The following CTNNA3 variants were observed in gnomAD, a reference collection of about 807,000 sequenced individuals.
CTNNA3 encodes catenin alpha 3.
CTNNA3 carries 76 observed loss-of-function variants against 95.7 expected under a neutral mutation model. That is an observed-to-expected ratio of 0.79 (90% CI 0.66 to 0.96). The LOEUF is 0.96. Ranked by LOEUF, CTNNA3 falls within the 40% of genes least tolerant of loss-of-function variation. The pLI, the probability that CTNNA3 is intolerant of heterozygous loss-of-function variation, is 0.00. For synonymous variants in CTNNA3, 431 were observed against 374.4 expected, an observed-to-expected ratio of 1.15 and a Z score of -1.74; for missense variants, 1,191 against 1,089.8, an observed-to-expected ratio of 1.09 and a Z score of -1.31.
intron 1 of CTNNA3, among the ~76,000 whole-genome samples, chr10:67,703,180 C>T (rs536764734): frequency 1.3e-5 from 2 of 152,244 alleles, no homozygotes; most frequent in South Asian, 4.1e-4. Context: ...GATTCACAGC[C>T]GAATTCTACC....
intron 9 of CTNNA3, among the ~76,000 whole-genome samples, chr10:66,723,529 G>C (rs550345014): frequency 6.6e-6 from 1 of 152,308 alleles, no homozygotes; most frequent in South Asian, 2.1e-4. Context: ...TCACTGCACA[G>C]CACATTCTAT....
At chr10:66,807,044 CA>C (rs1841680603) in intron 7 of CTNNA3, among the ~76,000 whole-genome samples, 1 of 151,770 alleles carries the variant, frequency 6.6e-6, no homozygotes, top group Non-Finnish European at 1.5e-5. Context: ...GCAGAAAGGG[CA>C]AAAAGATAAT....
chr10:66,129,749 C>A (rs377311709), intron 13 of CTNNA3, among the ~76,000 whole-genome samples: 1 of 151,988 alleles, frequency 6.6e-6, no homozygotes, highest in Non-Finnish European at 1.5e-5. Context: ...TGCAGAGTGG[C>A]CCCCAAGACA....
intron 5 of CTNNA3, among the ~76,000 whole-genome samples, chr10:67,514,327 GT>G (rs1330339025): frequency 6.6e-6 from 1 of 152,006 alleles, no homozygotes; most frequent in Non-Finnish European, 1.5e-5. Flanking sequence ...AAATAAAACA[GT>G]TAGGTTAGAT....
In CTNNA3 at chr10:66,115,509, AGATAGATAGATAGAT is replaced by A. The variant is rs1177070521; in HGVS notation, c.1885-12275_1885-12261del. 2.1e-3 allele frequency among the ~76,000 whole-genome samples: 308 copies of A among 146,244 alleles called. 1 individual carries two copies. The highest frequency in any genetic ancestry group is 7.2e-3 in the African/African-American group (273 of 37,984). On this transcript the variant is annotated intron_variant, in intron 13 of 17. Coordinates refer to ENST00000433211, the MANE Select transcript of CTNNA3 (RefSeq NM_013266.4). ...GGTTTGACTTCCCAATGGGGAATATAGATAGATAGATAGATGATAGATAGATAGATAGATAGATAG... is the reference window on the plus strand; with the variant it reads ...GGTTTGACTTCCCAATGGGGAATATAGATAGATAGATAGATAGATAGATAG...
At chr10:66,762,590 A>T (rs1839644481) in intron 9 of CTNNA3, among the ~76,000 whole-genome samples, 1 of 151,536 alleles carries the variant, frequency 6.6e-6, no homozygotes, top group Admixed American at 6.6e-5. Context: ...ATAGCGGGAC[A>T]CCTCAGATGT....
At chr10:66,937,824 T>C (rs1677647444) in intron 7 of CTNNA3, among the ~76,000 whole-genome samples, 1 of 152,174 alleles carries the variant, frequency 6.6e-6, no homozygotes, top group African/African-American at 2.4e-5. Flanking sequence ...TTTCTGAGCT[T>C]TTCCAGAATA....
chr10:66,258,508 T>C (rs943443546), intron 13 of CTNNA3, among the ~76,000 whole-genome samples: 1 of 152,206 alleles, frequency 6.6e-6, no homozygotes, highest in Non-Finnish European at 1.5e-5. Context: ...CGTGGACTAA[T>C]AATGTGAAGC....
chr10:67,237,126 G>GTATATATATA (rs59511861), intron 5 of CTNNA3, among the ~76,000 whole-genome samples: 1 of 39,842 alleles, frequency 2.5e-5, no homozygotes, highest in Non-Finnish European at 4.4e-5. Context: ...TATGGTGTAT[G>GTATATATATA]TATATATATA....
At chr10:66,063,223 T>TATAGATAGATAGATAG (rs34448730) in intron 15 of CTNNA3, among the ~76,000 whole-genome samples, 5 of 117,752 alleles carry the variant, frequency 4.2e-5, no homozygotes, top group African/African-American at 1.8e-4. Context: ...TAGATATAGA[T>TATAGATAGATAGATAG]ATAGATAGAT....
intron 12 of CTNNA3, among the ~76,000 whole-genome samples, chr10:66,376,691 A>T (rs16922913): frequency 0.17 from 25,491 of 152,094 alleles, 2,928 homozygotes; most frequent in East Asian, 0.45. Context: ...AGCTCCTCAT[A>T]AAGTCATTTT....
At chr10:66,754,774 C>G (rs188903402) in intron 9 of CTNNA3, among the ~76,000 whole-genome samples, 1 of 152,120 alleles carries the variant, frequency 6.6e-6, no homozygotes, top group Non-Finnish European at 1.5e-5. Context: ...TTCACCCCCA[C>G]GATGATGGCT....
At chr10:66,690,676 T>C (rs1847491574) in intron 9 of CTNNA3, among the ~76,000 whole-genome samples, 1 of 151,968 alleles carries the variant, frequency 6.6e-6, no homozygotes, top group Non-Finnish European at 1.5e-5. Flanking sequence ...GGCTGCATAG[T>C]ATTCCATGGT....
chr10:66,913,816 AG>A (rs1846345196), intron 7 of CTNNA3, among the ~76,000 whole-genome samples: 1 of 152,200 alleles, frequency 6.6e-6, no homozygotes, highest in African/African-American at 2.4e-5. Context: ...AACAGAAAAG[AG>A]TTTATTTTCT....
At chr10:66,266,752 C>T (rs912151141) in intron 13 of CTNNA3, among the ~76,000 whole-genome samples, 3 of 151,946 alleles carry the variant, frequency 2.0e-5, no homozygotes, top group Non-Finnish European at 4.4e-5. Flanking sequence ...ATTGCAAATA[C>T]AAAAACGCTT....
At chr10:66,326,506 A>G (rs1210996699) in intron 12 of CTNNA3, among the ~76,000 whole-genome samples, 1 of 152,112 alleles carries the variant, frequency 6.6e-6, no homozygotes, top group African/African-American at 2.4e-5. Context: ...TATATAAGGC[A>G]TGAGTCATAT....
chr10:66,327,145 G>C (rs751188638), intron 12 of CTNNA3, among the ~76,000 whole-genome samples: 1 of 152,018 alleles, frequency 6.6e-6, no homozygotes, highest in African/African-American at 2.4e-5. Flanking sequence ...CTAACTAACT[G>C]AATGTGACCC....
intron 5 of CTNNA3, among the ~76,000 whole-genome samples, chr10:67,449,094 G>T (rs1402836518): frequency 6.6e-6 from 1 of 151,686 alleles, no homozygotes; most frequent in African/African-American, 2.4e-5. Context: ...GACACAAAAC[G>T]AATTAAAAAC....
At chr10:67,032,320 T>C (rs538974650) in intron 7 of CTNNA3, among the ~76,000 whole-genome samples, 2 of 152,282 alleles carry the variant, frequency 1.3e-5, no homozygotes, top group African/African-American at 4.8e-5. Flanking sequence ...GTAACTGACA[T>C]ATGAAAACTA....
Sources: gnomAD v4.1 joint callset for allele counts (sites outside exome capture counted in the v4.1 genomes callset) on GRCh38, gnomAD v4.1.1 for gene constraint, MANE v1.5 for transcripts, NCBI Gene and HGNC (gene_info 2026-07-23, HGNC 2026-07-21) for gene names.